MERTK: variants seen among roughly 807,000 people sequenced by gnomAD.
MERTK encodes tyrosine-protein kinase Mer.
MERTK carries 69 observed loss-of-function variants against 99.3 expected under a neutral mutation model. The ratio of observed to expected loss-of-function variants is 0.70; its 90% CI spans 0.57 to 0.85. MERTK has a LOEUF of 0.85. Ranked by LOEUF, MERTK falls within the 40% of genes least tolerant of loss-of-function variation. MERTK has a pLI of 0.00. For missense variants in MERTK, 1,125 were observed against 1,249.4 expected (o/e 0.90, Z 1.50); for synonymous variants, 426 against 467.6 (o/e 0.91, Z 1.15).
At chr2:111,997,147 G>C in intron 9 of MERTK, 176 bp from the exon 10 acceptor site, 1 of 802,758 alleles carries the variant, frequency 1.2e-6, no homozygotes, top group South Asian at 1.3e-5. Context: ...TTTCCCATCA[G>C]TTATTAAGAT....
intron 7 of MERTK, among the ~76,000 whole-genome samples, chr2:111,976,191 G>T (rs938132986): frequency 2.6e-5 from 4 of 151,916 alleles, no homozygotes; most frequent in African/African-American, 9.7e-5. Context: ...CCCTCCCTGG[G>T]CGCACCACCC....
In MERTK at chr2:111,947,581, G is replaced by C; in HGVS notation, c.757+14G>C. ...TAACTGTTCCAGGTAAGTCCGAGCT[G>C]TGGGCTTATTGATTTATTCTCTAAT... On this transcript the variant is annotated intron_variant, in intron 4 of 18. Coordinates refer to ENST00000295408, the MANE Select transcript of MERTK (RefSeq NM_006343.3). 6.2e-7 allele frequency: 1 copy of C among 1,613,530 alleles called. No individual in the cohort carries two copies. The highest frequency in any genetic ancestry group is 1.1e-5 in the South Asian group (1 of 91,054).
At chr2:111,962,788 T>C (rs1009696261) in intron 4 of MERTK, among the ~76,000 whole-genome samples, 4 of 152,198 alleles carry the variant, frequency 2.6e-5, no homozygotes, top group African/African-American at 9.7e-5. Context: ...CTTATTAGGC[T>C]CCTCTTGGCT....
intron 2 of MERTK, among the ~76,000 whole-genome samples, chr2:111,943,795 A>C (rs1462095606): frequency 6.6e-6 from 1 of 152,206 alleles, no homozygotes; most frequent in African/African-American, 2.4e-5. Context: ...AATTAGGTGA[A>C]TATTGAAACC....
intron 1 of MERTK, 59 bp downstream of exon 1, chr2:111,898,855 G>A (rs1025142548): frequency 2.6e-4 from 393 of 1,516,532 alleles, no homozygotes; most frequent in Non-Finnish European, 3.4e-4. Context: ...AGGAAGCAGG[G>A]GCCTCTGGGG....
chr2:111,973,739 G>A (rs1429054898), intron 6 of MERTK, among the ~76,000 whole-genome samples: 1 of 152,054 alleles, frequency 6.6e-6, no homozygotes, highest in African/African-American at 2.4e-5. Flanking sequence ...ATGTAATGGA[G>A]AACAAAATCC....
At chr2:111,983,486 C>T (rs1676412341) in intron 8 of MERTK, among the ~76,000 whole-genome samples, 4 of 152,190 alleles carry the variant, frequency 2.6e-5, no homozygotes, top group Admixed American at 1.3e-4. Flanking sequence ...AGGAGGAGAC[C>T]GAGCAAGCTC....
Position 112,022,821 on chromosome 2 carries a change from A to G in MERTK, c.2486+427A>G, listed in dbSNP as rs757958042. Reference sequence around the variant, plus strand: ...GCATTTCAAACACTCCACTCACAGTAGTAGCCTTCATCAGGAAACTCAGAA... The same window carrying G: ...GCATTTCAAACACTCCACTCACAGTGGTAGCCTTCATCAGGAAACTCAGAA... On this transcript the variant is annotated intron_variant, in intron 18 of 18. Transcript: ENST00000295408. Among the ~76,000 whole-genome samples the G allele has an allele frequency of 1.1e-4, 16 of 152,334 alleles. No homozygotes were observed. In the South Asian group the frequency reaches 2.7e-3, roughly 26 times the overall value.
intron 12 of MERTK, 30 bp downstream of exon 12, chr2:112,003,217 T>A: frequency 9.6e-7 from 1 of 1,047,098 alleles, no homozygotes; most frequent in Non-Finnish European, 1.5e-6. Flanking sequence ...TCTTTTAAAA[T>A]GTGGGATAAG....
chr2:111,944,716 T>A (rs1379610365), intron 2 of MERTK, among the ~76,000 whole-genome samples: 1 of 152,138 alleles, frequency 6.6e-6, no homozygotes, highest in Non-Finnish European at 1.5e-5. Context: ...CCTGCCCCCA[T>A]CATGAAGAGT....
chr2:111,919,665 C>T (rs1228934655), intron 1 of MERTK, among the ~76,000 whole-genome samples: 1 of 151,948 alleles, frequency 6.6e-6, no homozygotes, highest in Non-Finnish European at 1.5e-5. Context: ...GGGGGACAGG[C>T]TGAAAGGGAT....
intron 8 of MERTK, among the ~76,000 whole-genome samples, chr2:111,987,190 A>G (rs532168407): frequency 6.6e-6 from 1 of 152,180 alleles, no homozygotes; most frequent in African/African-American, 2.4e-5. Flanking sequence ...GGGGTTTTTC[A>G]TGTGCATGCA....
intron 18 of MERTK, 31 bp from the exon 19 acceptor site, chr2:112,028,320 G>T: frequency 6.2e-7 from 1 of 1,608,292 alleles, no homozygotes; most frequent in South Asian, 1.1e-5. Flanking sequence ...GTGCCATGCT[G>T]GGAGACAATC....
chr2:111,919,177 G>A (rs561716658), intron 1 of MERTK, among the ~76,000 whole-genome samples: 199 of 152,186 alleles, frequency 1.3e-3, no homozygotes, highest in African/African-American at 4.7e-3. Flanking sequence ...CCTAAAGCAC[G>A]TGCAGTCAAA....
At chr2:111,934,882 C>T (rs1684737772) in intron 2 of MERTK, among the ~76,000 whole-genome samples, 1 of 152,128 alleles carries the variant, frequency 6.6e-6, no homozygotes, top group Non-Finnish European at 1.5e-5. Flanking sequence ...GAAGGGAAAG[C>T]ATCTGGTCTT....
At chr2:111,935,242 G>A (rs1684744210) in intron 2 of MERTK, among the ~76,000 whole-genome samples, 1 of 152,208 alleles carries the variant, frequency 6.6e-6, no homozygotes, top group African/African-American at 2.4e-5. Context: ...ATAGTTAACT[G>A]AGGGATGGCT....
intron 8 of MERTK, among the ~76,000 whole-genome samples, chr2:111,983,995 A>T (rs542916389): frequency 6.6e-6 from 1 of 152,312 alleles, no homozygotes; most frequent in South Asian, 2.1e-4. Context: ...GAGATTTATG[A>T]TAAGAAATTG....
At chr2:111,923,643 C>A (rs1400324) in intron 1 of MERTK, among the ~76,000 whole-genome samples, 36,873 of 152,098 alleles carry the variant, frequency 0.24, 4,780 homozygotes, top group South Asian at 0.32. Flanking sequence ...GTGGAGATTT[C>A]TTGTGAATTC....
intron 1 of MERTK, among the ~76,000 whole-genome samples, chr2:111,914,933 C>A (rs1246122261): frequency 6.6e-6 from 1 of 152,154 alleles, no homozygotes; most frequent in African/African-American, 2.4e-5. Flanking sequence ...ACCCTCTCTT[C>A]TAATTTCTGA....
Sources: gnomAD v4.1 joint callset for allele counts (sites outside exome capture counted in the v4.1 genomes callset) on GRCh38, gnomAD v4.1.1 for gene constraint, MANE v1.5 for transcripts, NCBI Gene and HGNC (gene_info 2026-07-23, HGNC 2026-07-21) for gene names.